ARK2N: variants seen among roughly 807,000 people sequenced by gnomAD.
The protein encoded by ARK2N is protein ARK2N.
chr18:46,180,293 A>G, the ARK2N span, among the ~76,000 whole-genome samples: 1 of 152,184 alleles, frequency 6.6e-6, no homozygotes, highest in African/African-American at 2.4e-5. Context: ...TTAAGTGACA[A>G]TTAATCTAAA....
chr18:46,233,520 C>T, the ARK2N span, among the ~76,000 whole-genome samples: 3 of 152,136 alleles, frequency 2.0e-5, no homozygotes, highest in African/African-American at 7.2e-5. Flanking sequence ...AGTTATCTTC[C>T]AAATAACCCC....
the ARK2N span, among the ~76,000 whole-genome samples, chr18:46,211,316 C>T: frequency 1.3e-5 from 2 of 152,142 alleles, no homozygotes; most frequent in Non-Finnish European, 2.9e-5. Flanking sequence ...TCAAGGCATT[C>T]TCCTTGCTGA....
At chr18:46,211,892 T>G in the ARK2N span, among the ~76,000 whole-genome samples, 2 of 152,230 alleles carry the variant, frequency 1.3e-5, no homozygotes, top group African/African-American at 4.8e-5. Flanking sequence ...TTATATCATT[T>G]TATACTGCTA....
chr18:46,252,062 G>T, the ARK2N span, among the ~76,000 whole-genome samples: 5 of 151,880 alleles, frequency 3.3e-5, no homozygotes, highest in African/African-American at 1.2e-4. Context: ...GTGTGGTGGC[G>T]TGCGCCTGTA....
the ARK2N span, among the ~76,000 whole-genome samples, chr18:46,253,152 T>C: frequency 6.6e-6 from 1 of 152,248 alleles, no homozygotes; most frequent in Non-Finnish European, 1.5e-5. Context: ...AGAGAGGACA[T>C]GTGCTAAATC....
chr18:46,184,234 C>T, the ARK2N span, among the ~76,000 whole-genome samples: 1 of 152,156 alleles, frequency 6.6e-6, no homozygotes, highest in Non-Finnish European at 1.5e-5. Context: ...TCGTGATCTG[C>T]CTGCCTTGGC....
At chr18:46,216,016 G>A in the ARK2N span, 2 of 1,614,148 alleles carry the variant, frequency 1.2e-6, no homozygotes, top group South Asian at 1.1e-5. This position sits in a 1 kb window ranked among gnomAD's most constrained non-coding sequence, Gnocchi z 4.3. Context: ...GAAAGATGGT[G>A]TAGCGGATTC....
the ARK2N span, among the ~76,000 whole-genome samples, chr18:46,239,191 T>A: frequency 6.6e-6 from 1 of 152,192 alleles, no homozygotes; most frequent in Non-Finnish European, 1.5e-5. Flanking sequence ...GTAATTAATT[T>A]ACTTTGAAAC....
the ARK2N span, among the ~76,000 whole-genome samples, chr18:46,221,310 C>A: frequency 1.3e-5 from 2 of 151,292 alleles, no homozygotes; most frequent in African/African-American, 4.9e-5. Flanking sequence ...CTTTGGGAGG[C>A]TGAGGCAGAT....
the ARK2N span, among the ~76,000 whole-genome samples, chr18:46,188,373 G>GT: frequency 7.2e-5 from 11 of 152,004 alleles, no homozygotes; most frequent in Non-Finnish European, 1.3e-4. Flanking sequence ...GCCAATTTTT[G>GT]TTTTTTTAGT....
chr18:46,247,873 T>C, the ARK2N span, among the ~76,000 whole-genome samples: 1 of 152,238 alleles, frequency 6.6e-6, no homozygotes. Context: ...GGTTTTGCCA[T>C]GTTGGCCAGG....
the ARK2N span, among the ~76,000 whole-genome samples, chr18:46,221,057 G>A: frequency 1.3e-5 from 2 of 152,044 alleles, no homozygotes; most frequent in Admixed American, 1.3e-4. Flanking sequence ...GATTGCTTGA[G>A]CCCAGGAGGC....
the ARK2N span, among the ~76,000 whole-genome samples, chr18:46,211,871 C>G: frequency 6.6e-6 from 1 of 152,172 alleles, no homozygotes; most frequent in Admixed American, 6.5e-5. Flanking sequence ...GATGCAATTC[C>G]TATTTGACAA....
the ARK2N span, among the ~76,000 whole-genome samples, chr18:46,249,414 A>G: frequency 2.0e-5 from 3 of 150,770 alleles, no homozygotes; most frequent in African/African-American, 7.3e-5. Flanking sequence ...TTGTATTTTT[A>G]GTAGAGACGC....
At chr18:46,224,947 C>T in the ARK2N span, among the ~76,000 whole-genome samples, 2 of 152,146 alleles carry the variant, frequency 1.3e-5, no homozygotes, top group South Asian at 2.1e-4. Flanking sequence ...AGTCATGCTG[C>T]GGGATCTGAA....
the ARK2N span, among the ~76,000 whole-genome samples, chr18:46,180,436 G>T: frequency 1.3e-5 from 2 of 152,254 alleles, no homozygotes; most frequent in Admixed American, 1.3e-4. Context: ...GCAGGGCACG[G>T]TGGCTCACGC....
chr18:46,237,435 T>A, the ARK2N span, among the ~76,000 whole-genome samples: 1 of 150,556 alleles, frequency 6.6e-6, no homozygotes, highest in South Asian at 2.1e-4. Context: ...TTGCCCAGGC[T>A]GGAGTTCAGT....
At chr18:46,179,475 G>GT in the ARK2N span, among the ~76,000 whole-genome samples, 1 of 152,016 alleles carries the variant, frequency 6.6e-6, no homozygotes, top group Non-Finnish European at 1.5e-5. Context: ...AAGAAGCAGT[G>GT]TTTTTTACTT....
At chr18:46,239,982 T>G in the ARK2N span, 1 of 1,607,840 alleles carries the variant, frequency 6.2e-7, no homozygotes, top group East Asian at 2.2e-5. Flanking sequence ...TAGATACAAG[T>G]ATACATTTTC....
Sources: allele counts gnomAD v4.1 joint callset (sites outside exome capture counted in the v4.1 genomes callset), GRCh38; gene constraint gnomAD v4.1.1; non-coding constraint Gnocchi (gnomAD v3.1); transcripts MANE v1.5; gene names NCBI Gene and HGNC (gene_info 2026-07-23, HGNC 2026-07-21).